Variants in PTPRQ observed in about 807,000 individuals in gnomAD.
The protein encoded by PTPRQ is phosphatidylinositol phosphatase PTPRQ.
In PTPRQ, 199 loss-of-function variants were observed where a neutral mutation model predicts 246.0. The ratio of observed to expected loss-of-function variants is 0.81; its 90% CI spans 0.72 to 0.91. PTPRQ has a LOEUF of 0.91. Ranked by LOEUF, PTPRQ falls within the 40% of genes least tolerant of loss-of-function variation. The pLI, the probability that PTPRQ is intolerant of heterozygous loss-of-function variation, is 0.00. For missense variants in PTPRQ, 2,624 were observed against 2,528.4 expected, an observed-to-expected ratio of 1.04 and a Z score of -0.81; for synonymous variants, 869 against 853.2, an observed-to-expected ratio of 1.02 and a Z score of -0.32.
chr12:80,620,370 A>G lies in PTPRQ; in HGVS notation c.5606A>G (p.Gln1869Arg), dbSNP rs1275679740. The G allele has an allele frequency of 6.5e-7, 1 of 1,548,896 alleles. No individual in the cohort carries two copies. The highest frequency in any genetic ancestry group is 8.7e-7 in the Non-Finnish European group (1 of 1,145,150). The stretch of plus-strand genomic sequence containing the variant: ...AATGGACCACTGAAACCAAAAAAGC[A>G]ATACTTGTAAGTATAGGTTATATCT... ...ICNGPLKPKK[Q>R]YLFKFRATNI... is the part of the protein sequence containing the mutation. The change falls in exon 32 of 45, where the codon CAA (glutamine) becomes CGA (arginine). Residue 1869 changes from glutamine (Q) to arginine (R), a missense_variant. By Grantham distance (43) the Gln-to-Arg change is conservative. Coordinates refer to ENST00000644991, the MANE Select transcript of PTPRQ (RefSeq NM_001145026.2).
At chr12:80,621,946 G>T in intron 32 of PTPRQ, 115 bp from the exon 33 acceptor site, 1 of 741,696 alleles carries the variant, frequency 1.3e-6, no homozygotes. Context: ...TTTTCATCTT[G>T]TAAATTCATT....
intron 8 of PTPRQ, among the ~76,000 whole-genome samples, chr12:80,478,439 A>G (rs1214426286): frequency 2.6e-5 from 4 of 151,736 alleles, no homozygotes; most frequent in Non-Finnish European, 4.4e-5. Context: ...AAAAAACAGA[A>G]CAGAAAAACT....
rs1900878803 is a variant in PTPRQ at position 80,669,045 on chromosome 12, T to C, written c.6231T>C (p.Gly2077=). Residue 2077 remains glycine (G), a synonymous_variant, in exon 40 of 45, where the codon GGT becomes GGC. Transcript: ENST00000644991. ...CAAATGAATTTATTGCTACTCAAGG[T>C]CCACTACCAGGAACAGTTGGAGATT... The part of the protein sequence containing the change: ...LCPNEFIATQ[G]PLPGTVGDFW... 6.5e-7 allele frequency: 1 copy of C among 1,550,384 alleles called. No individual in the cohort carries two copies. Among genetic ancestry groups the C allele is most frequent in the South Asian group, 1.2e-5 (1 of 83,974 alleles).
chr12:80,592,307 G>A (rs1050687252), intron 26 of PTPRQ, among the ~76,000 whole-genome samples: 5 of 152,106 alleles, frequency 3.3e-5, no homozygotes, highest in African/African-American at 7.2e-5. Context: ...TTGGTTACTC[G>A]TCTTTTAGTT....
intron 6 of PTPRQ, among the ~76,000 whole-genome samples, chr12:80,463,051 G>A (rs563589581): frequency 9.5e-4 from 144 of 152,096 alleles, no homozygotes; most frequent in African/African-American, 2.9e-3. Flanking sequence ...AGAAGGCTTC[G>A]GACGATCAAA....
chr12:80,666,225 CTATTTA>C (rs1900782402), intron 39 of PTPRQ, among the ~76,000 whole-genome samples: 1 of 150,748 alleles, frequency 6.6e-6, no homozygotes, highest in Non-Finnish European at 1.5e-5. Context: ...CAATGGAATA[CTATTTA>C]GCCATGTAAA....
chr12:80,445,613 G>T lies in PTPRQ; in HGVS notation c.286G>T (p.Val96Phe), dbSNP rs148527546. ...IISYIVKYKE[V>F]CPWMQTVYTQ... ...ATCTTACATTGTCAAATATAAGGAAGTTTGTCCGTGGATGCAAACAGTATA... is the reference window on the plus strand; with the variant it reads ...ATCTTACATTGTCAAATATAAGGAATTTTGTCCGTGGATGCAAACAGTATA... The change falls in exon 3 of 45, where the codon GTT becomes TTT. Residue 96 changes from valine to phenylalanine, a missense_variant. Val to Phe is a conservative substitution (Grantham distance 50). Coordinates refer to ENST00000644991, the MANE Select transcript of PTPRQ (RefSeq NM_001145026.2). The T allele has an allele frequency of 6.5e-7, 1 of 1,549,994 alleles. No individual in the cohort carries two copies.
intron 25 of PTPRQ, among the ~76,000 whole-genome samples, chr12:80,581,353 AG>A (rs1468049252): frequency 6.6e-6 from 1 of 152,206 alleles, no homozygotes; most frequent in East Asian, 1.9e-4. Flanking sequence ...AAAATTTTCA[AG>A]GCCAGGTGCC....
intron 9 of PTPRQ, among the ~76,000 whole-genome samples, chr12:80,492,622 C>T (rs895580954): frequency 4.6e-5 from 7 of 151,990 alleles, no homozygotes; most frequent in Non-Finnish European, 2.9e-5. Flanking sequence ...GATGTTTTCA[C>T]CTCAGTGTTT....
intron 33 of PTPRQ, among the ~76,000 whole-genome samples, chr12:80,631,032 T>C (rs2121165663): frequency 6.6e-6 from 1 of 152,296 alleles, no homozygotes; most frequent in Non-Finnish European, 1.5e-5. Flanking sequence ...TAATTTCTAA[T>C]TTTGTCACTC....
At chr12:80,461,409 G>C (rs1041122729) in intron 6 of PTPRQ, among the ~76,000 whole-genome samples, 1 of 151,986 alleles carries the variant, frequency 6.6e-6, no homozygotes, top group Non-Finnish European at 1.5e-5. Flanking sequence ...CTTCCTTAGG[G>C]TGCCAGTGTT....
At chr12:80,594,434 C>T (rs1166628542) in intron 26 of PTPRQ, among the ~76,000 whole-genome samples, 1 of 152,078 alleles carries the variant, frequency 6.6e-6, no homozygotes, top group African/African-American at 2.4e-5. Flanking sequence ...TGCACTTCTG[C>T]AAAATTAGTT....
chr12:80,546,896 G>T (rs1896324413), intron 24 of PTPRQ, 199 bp downstream of exon 24: 2 of 532,546 alleles, frequency 3.8e-6, no homozygotes, highest in South Asian at 4.3e-5. Context: ...TTTCACACAT[G>T]GTTTTTCCTT....
chr12:80,483,493 A>T (rs1242867264), intron 8 of PTPRQ, among the ~76,000 whole-genome samples: 2 of 151,676 alleles, frequency 1.3e-5, no homozygotes, highest in African/African-American at 4.8e-5. Flanking sequence ...AACCTGCACA[A>T]TGTGCACATG....
chr12:80,679,107 G>A lies in PTPRQ; in HGVS notation c.*84G>A. The stretch of plus-strand genomic sequence containing the variant: ...CCCCCTCATTCTTCCGAATTGAAAT[G>A]TGCAACCTTAAAGAAATATCTATGC... On this transcript the variant is annotated 3_prime_UTR_variant, in exon 45 of 45. Transcript: ENST00000644991. 3 of 1,478,852 alleles carry A rather than the reference G, an allele frequency of 2.0e-6. No individual in the cohort carries two copies. In the South Asian group the frequency reaches 4.1e-5, roughly 20 times the overall value. The allele number at this position is 1,478,852 out of a possible 1,614,324, so 91.6% of individuals were successfully genotyped here.
intron 8 of PTPRQ, among the ~76,000 whole-genome samples, chr12:80,473,513 A>G (rs1893718704): frequency 6.6e-6 from 1 of 152,184 alleles, no homozygotes; most frequent in Non-Finnish European, 1.5e-5. Context: ...ATTGATTTCT[A>G]TTCTTGTTAT....
intron 3 of PTPRQ, among the ~76,000 whole-genome samples, chr12:80,455,060 C>G (rs1242560207): frequency 7.9e-5 from 12 of 152,082 alleles, no homozygotes; most frequent in African/African-American, 2.9e-4. Flanking sequence ...GTAATCCCAG[C>G]TACTCTGGGG....
At chr12:80,647,110 G>T (rs1215419085) in intron 35 of PTPRQ, among the ~76,000 whole-genome samples, 1 of 152,024 alleles carries the variant, frequency 6.6e-6, no homozygotes, top group Non-Finnish European at 1.5e-5. Flanking sequence ...AAATACTTTT[G>T]CAGTACCGGC....
chr12:80,493,476 C>T, intron 10 of PTPRQ, 21 bp downstream of exon 10: 1 of 1,541,686 alleles, frequency 6.5e-7, no homozygotes. Flanking sequence ...TTTTGATTTT[C>T]TATAAAGTTC....
Sources: gnomAD v4.1 joint callset for allele counts (sites outside exome capture counted in the v4.1 genomes callset) on GRCh38, gnomAD v4.1.1 for gene constraint, MANE v1.5 for transcripts, NCBI Gene and HGNC (gene_info 2026-07-23, HGNC 2026-07-21) for gene names.